Variants in SPTLC1 observed in about 807,000 individuals in gnomAD.
SPTLC1 encodes the protein serine palmitoyltransferase long chain base subunit 1.
A neutral mutation model predicts 68.9 loss-of-function variants in SPTLC1; 55 were observed. The observed-to-expected ratio is 0.80, with a 90% confidence interval of 0.64 to 1.00. SPTLC1 has a LOEUF of 1.00. SPTLC1 is among the 50% of genes least tolerant of loss of function. SPTLC1 has a pLI of 0.00. For missense variants in SPTLC1, 449 were observed against 573.1 expected, an observed-to-expected ratio of 0.78 and a Z score of 2.21; for synonymous variants, 197 against 201.6, an observed-to-expected ratio of 0.98 and a Z score of 0.19.
chr9:92,090,489 G>A (rs1835318473), intron 3 of SPTLC1, among the ~76,000 whole-genome samples: 1 of 152,018 alleles, frequency 6.6e-6, no homozygotes, highest in Non-Finnish European at 1.5e-5. Flanking sequence ...GTGCATGCCT[G>A]TAATCCCAGC....
intron 8 of SPTLC1, among the ~76,000 whole-genome samples, chr9:92,052,629 A>G (rs1267528197): frequency 6.6e-6 from 1 of 151,864 alleles, no homozygotes; most frequent in African/African-American, 2.4e-5. Context: ...TCCCAGGTTC[A>G]AGCAATTCTC....
chr9:92,047,192 T>C lies in SPTLC1; in HGVS notation c.1061A>G (p.Asn354Ser), dbSNP rs141611018. 100 of 1,614,072 alleles carry C rather than the reference T, an allele frequency of 6.2e-5. No individual in the cohort carries two copies. In the African/African-American group the frequency reaches 1.1e-3, roughly 18 times the overall value. ...LLAAAAIEAL[N>S]IMEENPGIFA... The stretch of plus-strand genomic sequence containing the variant: ...TATACCTGGATTCTCTTCCATGATG[T>C]TGAGGGCCTCAATTGCTGCAGCAGC... The change falls in exon 11 of 15, where the codon AAC becomes AGC. Residue 354 changes from asparagine to serine, a missense_variant. Around this residue, in one of 3 missense-constraint regions of SPTLC1, gnomAD observed 391 missense variants for 472.1 expected, o/e 0.83. Coordinates refer to ENST00000262554, the MANE Select transcript of SPTLC1 (RefSeq NM_006415.4).
intron 3 of SPTLC1, among the ~76,000 whole-genome samples, chr9:92,098,739 A>T (rs1337419677): frequency 6.6e-6 from 1 of 152,188 alleles, no homozygotes; most frequent in Non-Finnish European, 1.5e-5. Flanking sequence ...CCTTCTCTGA[A>T]ATCTATCTAT....
At chr9:92,113,107 C>CAAATAAAT (rs35205009) in intron 1 of SPTLC1, among the ~76,000 whole-genome samples, 2 of 151,902 alleles carry the variant, frequency 1.3e-5, no homozygotes, top group South Asian at 2.1e-4. Context: ...AACTCCGTCT[C>CAAATAAAT]AAATAAATAA....
At chr9:92,093,240 G>C (rs570293672) in intron 3 of SPTLC1, among the ~76,000 whole-genome samples, 13 of 152,244 alleles carry the variant, frequency 8.5e-5, no homozygotes, top group African/African-American at 3.1e-4. Context: ...ATTTGATGAA[G>C]TTCAACATCT....
intron 11 of SPTLC1, among the ~76,000 whole-genome samples, chr9:92,046,849 A>G (rs1405162022): frequency 6.6e-6 from 1 of 152,178 alleles, no homozygotes; most frequent in African/African-American, 2.4e-5. Flanking sequence ...ACTATTAACC[A>G]AATAAAGACT....
intron 3 of SPTLC1, among the ~76,000 whole-genome samples, chr9:92,096,588 G>C (rs1835538285): frequency 6.6e-6 from 1 of 152,084 alleles, no homozygotes; most frequent in Non-Finnish European, 1.5e-5. Flanking sequence ...ACTCAGAAGG[G>C]AAATAGTCTT....
chr9:92,067,019 C>A (rs1189043940), intron 6 of SPTLC1, among the ~76,000 whole-genome samples: 2 of 151,756 alleles, frequency 1.3e-5, no homozygotes, highest in Non-Finnish European at 2.9e-5. Context: ...AAAAAAAGGC[C>A]AGGTGCGGTG....
chr9:92,063,913 T>C (rs1256324158), intron 6 of SPTLC1, among the ~76,000 whole-genome samples: 1 of 152,174 alleles, frequency 6.6e-6, no homozygotes, highest in Admixed American at 6.5e-5. Flanking sequence ...TACTTATTGG[T>C]GAAAGAGTAA....
In SPTLC1 at chr9:92,096,394, T is replaced by G. The variant is rs570735844; in HGVS notation, c.260+12346A>C. The stretch of plus-strand genomic sequence containing the variant: ...CAATGTGTGTGTGTGTATATATATA[T>G]AAATATAAAATCATCTTATTATACA... On this transcript the variant is annotated intron_variant, in intron 3 of 14. Transcript: ENST00000262554. Among the ~76,000 whole-genome samples the G allele has an allele frequency of 1.9e-4, 29 of 152,278 alleles. No homozygotes were observed. The East Asian group carries it at 3.3e-3, about 17-fold the overall frequency.
chr9:92,105,063 G>T, intron 3 of SPTLC1: 2 of 1,531,016 alleles, frequency 1.3e-6, no homozygotes, highest in Non-Finnish European at 1.7e-6. Context: ...CACCTGCCCA[G>T]CTCTCCAGGC....
At chr9:92,047,525 T>C in intron 10 of SPTLC1, 88 bp downstream of exon 10, 1 of 884,274 alleles carries the variant, frequency 1.1e-6, no homozygotes, top group Non-Finnish European at 1.8e-6. Context: ...ATAAACTAAG[T>C]AAAATTTCGT....
intron 10 of SPTLC1, 94 bp from the exon 11 acceptor site, chr9:92,047,362 G>A (rs557849616): frequency 1.2e-5 from 12 of 1,015,206 alleles, no homozygotes; most frequent in East Asian, 9.7e-5. Flanking sequence ...CTACTGAACA[G>A]TGTGTACATG....
At chr9:92,045,147 G>C (rs563747080) in intron 12 of SPTLC1, among the ~76,000 whole-genome samples, 1 of 152,024 alleles carries the variant, frequency 6.6e-6, no homozygotes, top group African/African-American at 2.4e-5. Context: ...TTCTTTATCT[G>C]GAACAGCTGT....
intron 1 of SPTLC1, chr9:92,115,063 G>C (rs1192621379): frequency 1.8e-6 from 1 of 571,272 alleles, no homozygotes; most frequent in Non-Finnish European, 3.1e-6. Flanking sequence ...GTTCCTTTCC[G>C]GAGCTTCCAG....
chr9:92,034,769 G>A (rs957211463), intron 14 of SPTLC1, 41 bp downstream of exon 14: 27 of 1,542,632 alleles, frequency 1.8e-5, no homozygotes, highest in Non-Finnish European at 2.2e-5. Flanking sequence ...AGAGCTCAGA[G>A]TAGGGGAAAA....
At chr9:92,079,407 A>C (rs891792227) in intron 5 of SPTLC1, 1 of 1,518,462 alleles carries the variant, frequency 6.6e-7, no homozygotes, top group African/African-American at 1.4e-5. Context: ...TTTCAGGAGC[A>C]AAGAATATAC....
intron 7 of SPTLC1, 120 bp from the exon 8 acceptor site, chr9:92,055,614 T>A: frequency 1.0e-6 from 1 of 1,003,102 alleles, no homozygotes; most frequent in Non-Finnish European, 1.5e-6. Context: ...TCTGAATGAA[T>A]TGAAAGCTCA....
At chr9:92,037,364 C>T (rs537737659) in intron 13 of SPTLC1, among the ~76,000 whole-genome samples, 2 of 152,192 alleles carry the variant, frequency 1.3e-5, no homozygotes, top group Non-Finnish European at 2.9e-5. Flanking sequence ...CATTTTCATT[C>T]TCAAATACAT....
Sources: gnomAD v4.1 joint callset for allele counts (sites outside exome capture counted in the v4.1 genomes callset) on GRCh38, gnomAD v4.1.1 for gene constraint, gnomAD v4.1.1 regional missense constraint, MANE v1.5 for transcripts, NCBI Gene and HGNC (gene_info 2026-07-23, HGNC 2026-07-21) for gene names.